SHROOM3: variants seen among roughly 807,000 people sequenced by gnomAD.
The protein encoded by SHROOM3 is shroom family member 3, also known as protein Shroom3.
A neutral mutation model predicts 138.6 loss-of-function variants in SHROOM3; 47 were observed. That is an observed-to-expected ratio of 0.34 (90% CI 0.27 to 0.43). SHROOM3 has a LOEUF of 0.43. SHROOM3 is among the 20% of genes least tolerant of loss of function. The pLI, the probability that SHROOM3 is intolerant of heterozygous loss-of-function variation, is 1.00. For missense variants in SHROOM3, 2,491 were observed against 2,596.5 expected (o/e 0.96, Z 0.88); for synonymous variants, 1,062 against 1,063.3 (o/e 1.00, Z 0.02).
chr4:76,474,882 G>A (rs935570340), intron 1 of SHROOM3, among the ~76,000 whole-genome samples: 2 of 151,774 alleles, frequency 1.3e-5, no homozygotes, highest in African/African-American at 2.4e-5. Flanking sequence ...AGCTGAGATC[G>A]CGCCACTGCA....
chr4:76,465,694 CCACCTTGG>C (rs1731236128), intron 1 of SHROOM3, among the ~76,000 whole-genome samples: 1 of 152,162 alleles, frequency 6.6e-6, no homozygotes, highest in South Asian at 2.1e-4. Flanking sequence ...ACATCTGGTT[CCACCTTGG>C]CATCTGTATC....
chr4:76,612,814 C>T (rs1381569942), intron 2 of SHROOM3, among the ~76,000 whole-genome samples: 1 of 152,114 alleles, frequency 6.6e-6, no homozygotes, highest in Non-Finnish European at 1.5e-5. Context: ...GTGGCATGCT[C>T]CTGTAGTCCC....
chr4:76,558,032 A>C (rs973096129), intron 2 of SHROOM3, among the ~76,000 whole-genome samples: 5 of 152,178 alleles, frequency 3.3e-5, no homozygotes, highest in Admixed American at 3.3e-4. Flanking sequence ...CCAGGAGCCC[A>C]GTTTGGAAAC....
At chr4:76,732,087 T>C (rs571882827) in intron 4 of SHROOM3, among the ~76,000 whole-genome samples, 1 of 152,162 alleles carries the variant, frequency 6.6e-6, no homozygotes, top group Non-Finnish European at 1.5e-5. Context: ...CCCCTCCACT[T>C]CAGACTTGGA....
chr4:76,655,177 A>T (rs913117672), intron 2 of SHROOM3, among the ~76,000 whole-genome samples: 5 of 152,214 alleles, frequency 3.3e-5, no homozygotes, highest in Admixed American at 2.0e-4. Context: ...TAAATAGCTT[A>T]TCCAATATTA....
chr4:76,593,027 T>C (rs573768512), intron 2 of SHROOM3, among the ~76,000 whole-genome samples: 2 of 152,324 alleles, frequency 1.3e-5, no homozygotes, highest in Admixed American at 6.5e-5. Flanking sequence ...TCATAACTTA[T>C]GTCGAGTGAT....
At position 76,754,348 on chromosome 4, in the gene SHROOM3, C is replaced by G. The variant is rs144451004; in HGVS notation, c.3865C>G (p.Leu1289Val). Residue 1289 changes from leucine to valine, a missense_variant, in exon 7 of 11, where the codon CTG (leucine) becomes GTG (valine). Around this residue, in one of 4 missense-constraint regions of SHROOM3, gnomAD observed 1,733 missense variants for 1,661.6 expected, o/e 1.04. Transcript: ENST00000296043. Reference protein sequence around the residue: ...SCSERGQEEMLPLFHHLTPRW... With the variant: ...SCSERGQEEMVPLFHHLTPRW... ...TTCAGAAAGAGGCCAAGAAGAGATGCTGCCGCTCTTCCACCATCTCACCCC... is the reference window on the plus strand; with the variant it reads ...TTCAGAAAGAGGCCAAGAAGAGATGGTGCCGCTCTTCCACCATCTCACCCC... The G allele has an allele frequency of 5.6e-6, 9 of 1,614,162 alleles. No homozygotes were observed. The African/African-American group carries it at 1.2e-4, about 22-fold the overall frequency.
At chr4:76,635,853 G>A (rs1735479464) in intron 2 of SHROOM3, among the ~76,000 whole-genome samples, 1 of 152,212 alleles carries the variant, frequency 6.6e-6, no homozygotes, top group African/African-American at 2.4e-5. Flanking sequence ...CAGGGAAACT[G>A]CTGGCATTTG....
At chr4:76,641,029 C>G (rs919938147) in intron 2 of SHROOM3, among the ~76,000 whole-genome samples, 1 of 152,168 alleles carries the variant, frequency 6.6e-6, no homozygotes, top group African/African-American at 2.4e-5. Flanking sequence ...CTGGAATATC[C>G]TTTTTATGCA....
chr4:76,441,086 G>GTTTTTTGTTTTTTTT (rs1553913334), intron 1 of SHROOM3, among the ~76,000 whole-genome samples: 1 of 82,182 alleles, frequency 1.2e-5, no homozygotes, highest in African/African-American at 4.7e-5. Flanking sequence ...AGTTCAATTT[G>GTTTTTTGTTTTTTTT]TTTTTTTTTT....
intron 2 of SHROOM3, among the ~76,000 whole-genome samples, chr4:76,611,751 C>T (rs529022199): frequency 3.3e-5 from 5 of 152,294 alleles, no homozygotes; most frequent in South Asian, 2.1e-4. Context: ...AGGAAACACA[C>T]GGAACATGCC....
intron 2 of SHROOM3, among the ~76,000 whole-genome samples, chr4:76,561,710 G>C (rs1001692800): frequency 8.9e-5 from 13 of 146,346 alleles, no homozygotes; most frequent in Admixed American, 8.9e-4. Context: ...AAAAAAAAGA[G>C]AGAGAGACAA....
intron 2 of SHROOM3, among the ~76,000 whole-genome samples, chr4:76,604,619 T>C (rs183462756): frequency 6.6e-6 from 1 of 152,332 alleles, no homozygotes; most frequent in East Asian, 1.9e-4. Context: ...ACCTGAAGGA[T>C]GCCATGAAAA....
At chr4:76,772,552 C>G (rs1167994658) in intron 10 of SHROOM3, among the ~76,000 whole-genome samples, 1 of 152,178 alleles carries the variant, frequency 6.6e-6, no homozygotes. Context: ...GAAAGTGACT[C>G]AGCATTTAGG....
chr4:76,466,456 A>G (rs957083703), intron 1 of SHROOM3, among the ~76,000 whole-genome samples: 1 of 152,242 alleles, frequency 6.6e-6, no homozygotes, highest in African/African-American at 2.4e-5. Flanking sequence ...GGTTGCAGAA[A>G]CTGTTGTATG....
At chr4:76,468,749 G>T (rs1359642694) in intron 1 of SHROOM3, among the ~76,000 whole-genome samples, 1 of 152,076 alleles carries the variant, frequency 6.6e-6, no homozygotes, top group Admixed American at 6.6e-5. Flanking sequence ...GCATTTGATG[G>T]CCTGGCGCGG....
intron 1 of SHROOM3, among the ~76,000 whole-genome samples, chr4:76,472,699 C>CT (rs11349509): frequency 2.5e-4 from 37 of 147,420 alleles, no homozygotes; most frequent in Middle Eastern, 3.5e-3. Flanking sequence ...TTCTTTCTTT[C>CT]TTTTTTTTTT....
At chr4:76,661,362 T>C (rs1736181373) in intron 2 of SHROOM3, among the ~76,000 whole-genome samples, 1 of 152,262 alleles carries the variant, frequency 6.6e-6, no homozygotes. Flanking sequence ...ACCAAGTAGC[T>C]GGGAATACAA....
chr4:76,716,178 A>T, intron 3 of SHROOM3: 1 of 401,390 alleles, frequency 2.5e-6, no homozygotes, highest in Non-Finnish European at 4.9e-6. Context: ...TTAATTGGCC[A>T]ATTTACAGAG....
Sources: gnomAD v4.1 joint callset for allele counts (sites outside exome capture counted in the v4.1 genomes callset) on GRCh38, gnomAD v4.1.1 for gene constraint, gnomAD v4.1.1 regional missense constraint, MANE v1.5 for transcripts, NCBI Gene and HGNC (gene_info 2026-07-23, HGNC 2026-07-21) for gene names.